The following MYO7B variants were observed in gnomAD, a reference collection of about 807,000 sequenced individuals.
MYO7B encodes unconventional myosin-VIIb.
MYO7B carries 212 observed loss-of-function variants against 259.7 expected under a neutral mutation model. The ratio of observed to expected loss-of-function variants is 0.82; its 90% confidence interval spans 0.73 to 0.91. The LOEUF is 0.91. Among genes scored for constraint, MYO7B ranks in the 40% least tolerant of loss-of-function variants. The pLI is 0.00. For missense variants in MYO7B, 2,732 were observed against 2,813.5 expected (o/e 0.97, Z 0.66); for synonymous variants, 1,197 against 1,166.4 (o/e 1.03, Z -0.54).
At position 127,607,299 on chromosome 2, in the gene MYO7B, C is replaced by A. The variant is rs748506061; in HGVS notation, c.2518C>A (p.Gln840Lys). The change falls in exon 21 of 48, where the codon CAG (glutamine) becomes AAG (lysine). Residue 840 changes from glutamine to lysine, a missense_variant. Gln to Lys is a moderately conservative substitution (Grantham distance 53). Coordinates refer to ENST00000409816, the MANE Select transcript of MYO7B (RefSeq NM_001393586.1). The surrounding 1 kb of genome is among the most constrained non-coding windows in gnomAD (Gnocchi z 4.4). ...CATGCGGCAGAGGACAGTCCAGCTG[C>A]AGGCCCTGTGCAGGGGATACCTGGT... ...QAMRQRTVQL[Q>K]ALCRGYLVRQ... 1.7e-5 allele frequency: 27 copies of A among 1,551,278 alleles called. No individual in the cohort carries two copies. The highest frequency in any genetic ancestry group is 2.2e-5 in the Non-Finnish European group (25 of 1,146,958).
chr2:127,622,867 G>A (rs1313645739), intron 28 of MYO7B, among the ~76,000 whole-genome samples: 5 of 152,218 alleles, frequency 3.3e-5, no homozygotes, highest in Non-Finnish European at 7.3e-5. Flanking sequence ...TCTGTGAGGT[G>A]AAGTCACTGA....
At chr2:127,545,565 G>A (rs1013345444) in intron 1 of MYO7B, among the ~76,000 whole-genome samples, 3 of 152,230 alleles carry the variant, frequency 2.0e-5, no homozygotes, top group Admixed American at 6.5e-5. Context: ...AGCATAGAAC[G>A]AGGCTCTGCT....
At position 127,607,055 on chromosome 2, in the gene MYO7B, G is replaced by A. The variant is rs553831485; in HGVS notation, c.2425-151G>A. 5.9e-5 allele frequency: 40 copies of A among 677,820 alleles called. No individual in the cohort carries two copies. The African/African-American group carries it at 6.9e-4, about 12-fold the overall frequency. The allele number at this position is 677,820 out of a possible 1,614,324, so 42.0% of individuals were successfully genotyped here. ...GTAAGCAATAACTCACTATTCTTGT[G>A]TTCATAGGTGTGTACCATTCTAGCA... is the stretch of plus-strand genomic sequence containing the variant. On this transcript the variant is annotated intron_variant, in intron 20 of 47. Transcript: ENST00000409816. This position sits in a 1 kb window ranked among gnomAD's most constrained non-coding sequence, Gnocchi z 4.4.
Position 127,609,906 on chromosome 2 carries a change from G to A in MYO7B, c.3082G>A (p.Val1028Met), listed in dbSNP as rs1388016052. Residue 1028 changes from valine (V) to methionine (M), a missense_variant, in exon 24 of 48, where the codon GTG (valine) becomes ATG (methionine). Around this residue, in one of 3 missense-constraint regions of MYO7B, gnomAD observed 1,906 missense variants for 2,026.4 expected, o/e 0.94. Coordinates refer to ENST00000409816, the MANE Select transcript of MYO7B (RefSeq NM_001393586.1). The surrounding 1 kb of genome is among the most constrained non-coding windows in gnomAD (Gnocchi z 6.9). ...LRFMGDLPEP[V>M]LYARSSQQGS... ...GTTCATGGGTGATCTCCCAGAGCCAGTGCTGTATGCCAGGAGCAGCCAGCA... is the reference window on the plus strand; with the variant it reads ...GTTCATGGGTGATCTCCCAGAGCCAATGCTGTATGCCAGGAGCAGCCAGCA... 6.2e-7 allele frequency: 1 copy of A among 1,611,484 alleles called. No homozygotes were observed. The highest frequency in any genetic ancestry group is 8.5e-7 in the Non-Finnish European group (1 of 1,178,728).
In MYO7B at chr2:127,577,629, G is replaced by A. The variant is rs527861716; in HGVS notation, c.850-504G>A. Among the ~76,000 whole-genome samples the A allele has an allele frequency of 6.6e-6, 1 of 152,212 alleles. No individual in the cohort carries two copies. Among genetic ancestry groups the A allele is most frequent in the South Asian group, 2.1e-4 (1 of 4,820 alleles). ...CTGCCTAAACTGCCCTCTGTCCTCA[G>A]AGGCGGTGGGGCCAGCTCTGCACCT... On this transcript the variant is annotated intron_variant, in intron 8 of 47. Coordinates refer to ENST00000409816, the MANE Select transcript of MYO7B (RefSeq NM_001393586.1). This position sits in a 1 kb window ranked among gnomAD's most constrained non-coding sequence, Gnocchi z 5.2.
At chr2:127,543,831 C>A (rs2116027) in intron 1 of MYO7B, among the ~76,000 whole-genome samples, 2 of 151,520 alleles carry the variant, frequency 1.3e-5, no homozygotes, top group Non-Finnish European at 1.5e-5. Context: ...CGCAAGCTCC[C>A]CCTGCCGGGT....
Position 127,636,570 on chromosome 2 carries a change from A to G in MYO7B, c.6149A>G (p.Asp2050Gly). ...VKQTSEPSYP[D>G]VILIAINRHG... ...CAAACCTCGGAGCCTTCCTACCCGG[A>G]CGTCATCCTCATCGCCATCAACCGA... Residue 2050 changes from aspartate (D) to glycine (G), a missense_variant, in exon 46 of 48, where the codon GAC (aspartate) becomes GGC (glycine). Physicochemically the swap from Asp to Gly is moderately conservative, Grantham distance 94. Transcript: ENST00000409816. This position sits in a 1 kb window ranked among gnomAD's most constrained non-coding sequence, Gnocchi z 4.5. 1 of 1,612,398 alleles carries G rather than the reference A, an allele frequency of 6.2e-7. No individual in the cohort carries two copies. The highest frequency in any genetic ancestry group is 8.5e-7 in the Non-Finnish European group (1 of 1,179,328).
rs1271582513 is a variant in MYO7B, at chr2:127,613,467, A to G, written c.3398+864A>G. Among the ~76,000 whole-genome samples the G allele has an allele frequency of 6.6e-6, 1 of 152,218 alleles. No homozygotes were observed. The highest frequency in any genetic ancestry group is 2.4e-5 in the African/African-American group (1 of 41,456). ...AAGATTTCCTATTTGTTCATTCACTATGAGCATTGTTTCCTTTATATCCTT... is the reference window on the plus strand; with the variant it reads ...AAGATTTCCTATTTGTTCATTCACTGTGAGCATTGTTTCCTTTATATCCTT... On this transcript the variant is annotated intron_variant, in intron 26 of 47. Coordinates refer to ENST00000409816, the MANE Select transcript of MYO7B (RefSeq NM_001393586.1). The surrounding 1 kb of genome is among the most constrained non-coding windows in gnomAD (Gnocchi z 4.3).
intron 1 of MYO7B, among the ~76,000 whole-genome samples, chr2:127,556,376 T>C (rs1028355048): frequency 2.6e-5 from 4 of 152,248 alleles, no homozygotes; most frequent in Admixed American, 6.5e-5. Flanking sequence ...AGTGGCACAT[T>C]TAGGCCATTT....
rs139779133 is a variant in MYO7B, at chr2:127,568,959, G to A, written c.471-830G>A. On this transcript the variant is annotated intron_variant, in intron 5 of 47. Coordinates refer to ENST00000409816, the MANE Select transcript of MYO7B (RefSeq NM_001393586.1). ...ACGGTGGTTTATGCCTGTAATCCCA[G>A]CACTTTGGGAGGCCGAGGCGGGCAG... 7.3e-3 allele frequency among the ~76,000 whole-genome samples: 1,111 copies of A among 151,848 alleles called. 15 individuals are homozygous for A. Among genetic ancestry groups the A allele is most frequent in the African/African-American group, 0.025 (1,036 of 41,370 alleles).
Position 127,597,571 on chromosome 2 carries a change from A to G in MYO7B, c.2339+1015A>G, listed in dbSNP as rs1374831700. 1.3e-5 allele frequency among the ~76,000 whole-genome samples: 2 copies of G among 152,094 alleles called. No homozygotes were observed. Among genetic ancestry groups the G allele is most frequent in the Non-Finnish European group, 2.9e-5 (2 of 68,014 alleles). On this transcript the variant is annotated intron_variant, in intron 19 of 47. Coordinates refer to ENST00000409816, the MANE Select transcript of MYO7B (RefSeq NM_001393586.1). The surrounding 1 kb of genome is among the most constrained non-coding windows in gnomAD (Gnocchi z 4.8). ...CTGGGGTGGGCTTTTTTCACTTGGCATGTTTCTCTGGAGATTCATCCAGGT... is the reference window on the plus strand; with the variant it reads ...CTGGGGTGGGCTTTTTTCACTTGGCGTGTTTCTCTGGAGATTCATCCAGGT...
In MYO7B at chr2:127,564,206, C is replaced by T. The variant is rs373179267; in HGVS notation, c.72C>T (p.Ile24=). 3.3e-4 allele frequency: 522 copies of T among 1,579,482 alleles called. No homozygotes were observed. The highest frequency in any genetic ancestry group is 4.1e-4 in the Non-Finnish European group (479 of 1,163,212). The part of the protein sequence containing the change: ...PPSTHKTGVA[I]GGIIKEAKPG... ...CCACCCACAAGACCGGCGTGGCCAT[C>T]GGGGGCATCATCAAAGAGGCAAAGC... The change falls in exon 3 of 48, where the codon ATC becomes ATT. Residue 24 remains isoleucine (I), a synonymous_variant. Transcript: ENST00000409816.
intron 1 of MYO7B, among the ~76,000 whole-genome samples, chr2:127,544,405 T>C (rs1471272247): frequency 6.6e-6 from 1 of 152,100 alleles, no homozygotes; most frequent in African/African-American, 2.4e-5. Context: ...TAGTTCAACC[T>C]AACTACACTT....
rs1680459222 is a variant in MYO7B, at chr2:127,613,336, G to A, written c.3398+733G>A. ...CTGTCTTCAAATTTACTGATCTTTT[G>A]TCTTCCCTAGTCTGCTGTCATATCC... On this transcript the variant is annotated intron_variant, in intron 26 of 47. Coordinates refer to ENST00000409816, the MANE Select transcript of MYO7B (RefSeq NM_001393586.1). This position sits in a 1 kb window ranked among gnomAD's most constrained non-coding sequence, Gnocchi z 4.3. Among the ~76,000 whole-genome samples, 1 of 151,960 alleles carries A rather than the reference G, an allele frequency of 6.6e-6. No individual in the cohort carries two copies. Among genetic ancestry groups the A allele is most frequent in the African/African-American group, 2.4e-5 (1 of 41,332 alleles).
In MYO7B at chr2:127,636,315, C is replaced by T. The variant is rs746482744; in HGVS notation, c.6114C>T (p.Phe2038=). 9.2e-5 allele frequency: 148 copies of T among 1,612,966 alleles called. 2 individuals carry two copies. In the South Asian group the frequency reaches 1.5e-3, roughly 16 times the overall value. ...CRWPTFGSAF[F]EVKQTSEPSY... ...GGCCCACCTTCGGATCCGCCTTCTTCGAGGTGAAGGTAAACCTTGCCCCAC... is the reference window on the plus strand; with the variant it reads ...GGCCCACCTTCGGATCCGCCTTCTTTGAGGTGAAGGTAAACCTTGCCCCAC... The change falls in exon 45 of 48, where the codon TTC becomes TTT. Residue 2038 remains phenylalanine, a synonymous_variant. Transcript: ENST00000409816. The surrounding 1 kb of genome is among the most constrained non-coding windows in gnomAD (Gnocchi z 4.5).
At chr2:127,567,771 C>A (rs1055839536) in intron 5 of MYO7B, among the ~76,000 whole-genome samples, 1 of 152,168 alleles carries the variant, frequency 6.6e-6, no homozygotes, top group Non-Finnish European at 1.5e-5. Context: ...ACAAAAGGGA[C>A]CAGAATCCCT....
intron 1 of MYO7B, among the ~76,000 whole-genome samples, chr2:127,552,138 T>C (rs953060754): frequency 6.6e-6 from 1 of 152,236 alleles, no homozygotes; most frequent in African/African-American, 2.4e-5. Context: ...AAAAGTGTGC[T>C]TCTTGTATTT....
chr2:127,621,261 T>C (rs1573704929), intron 27 of MYO7B, among the ~76,000 whole-genome samples: 3 of 151,146 alleles, frequency 2.0e-5, no homozygotes, highest in African/African-American at 7.3e-5. Flanking sequence ...CAATTTTTTT[T>C]TTTGTTTTTT....
At chr2:127,622,531 T>G (rs919105649) in intron 28 of MYO7B, among the ~76,000 whole-genome samples, 2 of 152,168 alleles carry the variant, frequency 1.3e-5, no homozygotes, top group African/African-American at 4.8e-5. Context: ...CTCGCTGTTT[T>G]CTCAGGAAGG....
Sources: allele counts gnomAD v4.1 joint callset (sites outside exome capture counted in the v4.1 genomes callset), GRCh38; gene constraint gnomAD v4.1.1; regional missense constraint gnomAD v4.1.1; non-coding constraint Gnocchi (gnomAD v3.1); transcripts MANE v1.5; gene names NCBI Gene and HGNC (gene_info 2026-07-23, HGNC 2026-07-21).